Variants in FAF1 observed in about 807,000 individuals in gnomAD.
The protein encoded by FAF1 is FAS-associated factor 1.
FAF1 carries 25 observed loss-of-function variants against 92.5 expected under a neutral mutation model. The ratio of observed to expected loss-of-function variants is 0.27; its 90% CI spans 0.20 to 0.38. The LOEUF is 0.38. Ranked by LOEUF, FAF1 falls within the 10% of genes least tolerant of loss-of-function variation. The pLI, the probability that FAF1 is intolerant of heterozygous loss-of-function variation, is 1.00. For missense variants in FAF1, 636 were observed against 793.3 expected (o/e 0.80, Z 2.38); for synonymous variants, 234 against 273.2 (o/e 0.86, Z 1.42).
chr1:50,893,838 G>A (rs1644738113), intron 1 of FAF1, among the ~76,000 whole-genome samples: 1 of 152,150 alleles, frequency 6.6e-6, no homozygotes, highest in Non-Finnish European at 1.5e-5. Context: ...GCCAGACTAG[G>A]GTCAAACACC....
chr1:50,691,600 T>C (rs547272283), intron 7 of FAF1, among the ~76,000 whole-genome samples: 1 of 151,886 alleles, frequency 6.6e-6, no homozygotes, highest in Non-Finnish European at 1.5e-5. Context: ...TTTGCTTTTT[T>C]CTTTTTTTGA....
chr1:50,799,347 AAT>A (rs1239922148), intron 3 of FAF1, among the ~76,000 whole-genome samples: 4 of 152,166 alleles, frequency 2.6e-5, no homozygotes, highest in African/African-American at 4.8e-5. Context: ...AATGAAGAAA[AAT>A]ATGTCAATTG....
chr1:50,738,252 C>T (rs148456195), intron 6 of FAF1, among the ~76,000 whole-genome samples: 1,701 of 151,758 alleles, frequency 0.011, 22 homozygotes, highest in Non-Finnish European at 0.015. Context: ...AAGACCAGCC[C>T]GACCAACATG....
chr1:50,455,561 G>A (rs1646340637), intron 18 of FAF1, among the ~76,000 whole-genome samples: 1 of 152,226 alleles, frequency 6.6e-6, no homozygotes, highest in Non-Finnish European at 1.5e-5. Flanking sequence ...GTTTTCGGAA[G>A]AGAGTTGTCA....
chr1:50,948,005 C>T (rs553487380), intron 1 of FAF1, among the ~76,000 whole-genome samples: 6 of 151,792 alleles, frequency 4.0e-5, no homozygotes, highest in South Asian at 2.1e-4. Context: ...GCTGACAGTA[C>T]GAGAAAGAAA....
chr1:50,753,491 T>A (rs1033215209), intron 4 of FAF1, among the ~76,000 whole-genome samples: 2 of 152,208 alleles, frequency 1.3e-5, no homozygotes, highest in Non-Finnish European at 2.9e-5. Context: ...CCTCCATTTC[T>A]CTTGAGAACC....
At chr1:50,744,819 C>T (rs972890433) in intron 4 of FAF1, 44 bp from the exon 5 acceptor site, 4 of 1,190,502 alleles carry the variant, frequency 3.4e-6, no homozygotes, top group East Asian at 2.4e-5. Flanking sequence ...CAAAATAACA[C>T]AGTTAACATT....
intron 1 of FAF1, among the ~76,000 whole-genome samples, chr1:50,936,839 C>A (rs145294781): frequency 3.9e-5 from 6 of 152,198 alleles, no homozygotes; most frequent in East Asian, 1.9e-4. Flanking sequence ...AACATGGAAT[C>A]ATCTAGAATA....
intron 8 of FAF1, among the ~76,000 whole-genome samples, chr1:50,614,548 A>G (rs1652821007): frequency 6.6e-6 from 1 of 152,128 alleles, no homozygotes; most frequent in South Asian, 2.1e-4. Flanking sequence ...TTTAAAAACA[A>G]AACAAAATGG....
At chr1:50,515,141 G>C (rs1024246435) in intron 15 of FAF1, among the ~76,000 whole-genome samples, 2 of 152,154 alleles carry the variant, frequency 1.3e-5, no homozygotes, top group Non-Finnish European at 2.9e-5. Flanking sequence ...AGTTGTATGA[G>C]ATACATATAT....
chr1:50,700,806 A>G (rs905422687), intron 7 of FAF1, among the ~76,000 whole-genome samples: 1 of 152,106 alleles, frequency 6.6e-6, no homozygotes, highest in African/African-American at 2.4e-5. Flanking sequence ...ACAAATACTT[A>G]TATGGGCCAA....
intron 1 of FAF1, among the ~76,000 whole-genome samples, chr1:50,947,626 A>T (rs1232240134): frequency 6.6e-6 from 1 of 152,264 alleles, no homozygotes; most frequent in Non-Finnish European, 1.5e-5. Context: ...ATAAAACAGC[A>T]AATTCAGCAG....
chr1:50,652,525 C>T (rs563910905), intron 8 of FAF1, among the ~76,000 whole-genome samples: 1 of 152,310 alleles, frequency 6.6e-6, no homozygotes, highest in South Asian at 2.1e-4. Flanking sequence ...CCCTGTGAAG[C>T]CCCACATTTC....
chr1:50,507,782 T>A (rs1170356565), intron 15 of FAF1, among the ~76,000 whole-genome samples: 8 of 152,172 alleles, frequency 5.3e-5, no homozygotes, highest in Non-Finnish European at 1.5e-5. Context: ...GAAAGGTTTT[T>A]AAAAAATTTT....
intron 8 of FAF1, among the ~76,000 whole-genome samples, chr1:50,644,401 T>C (rs1333501250): frequency 7.9e-5 from 12 of 152,224 alleles, no homozygotes; most frequent in Non-Finnish European, 8.8e-5. Flanking sequence ...AACTACTCTT[T>C]TTCCTAACAA....
rs571877491 is a variant in FAF1, at chr1:50,453,636, T to C, written c.1870-12113A>G. 3.3e-5 allele frequency among the ~76,000 whole-genome samples: 5 copies of C among 152,306 alleles called. No homozygotes were observed. The South Asian group carries it at 1.0e-3, about 32-fold the overall frequency. On this transcript the variant is annotated intron_variant, in intron 18 of 18. Coordinates refer to ENST00000396153, the MANE Select transcript of FAF1 (RefSeq NM_007051.3). Reference sequence around the variant, plus strand: ...ATCATGAACAGAGCACGTGTTTTCTTTGAAGGCTGGTCCAGCAGCGGCCTG... The same window carrying C: ...ATCATGAACAGAGCACGTGTTTTCTCTGAAGGCTGGTCCAGCAGCGGCCTG...
intron 6 of FAF1, among the ~76,000 whole-genome samples, chr1:50,729,028 A>ATCTT (rs1489245072): frequency 2.6e-5 from 2 of 75,698 alleles, no homozygotes; most frequent in Non-Finnish European, 5.2e-5. Flanking sequence ...CTATCTATCT[A>ATCTT]TCTATCTATA....
chr1:50,627,804 G>A (rs1397979598), intron 8 of FAF1, among the ~76,000 whole-genome samples: 1 of 151,612 alleles, frequency 6.6e-6, no homozygotes, highest in Non-Finnish European at 1.5e-5. Context: ...TTCATGATTT[G>A]TGTATTTTCC....
intron 15 of FAF1, among the ~76,000 whole-genome samples, chr1:50,531,749 G>C (rs941777745): frequency 3.9e-5 from 6 of 152,116 alleles, no homozygotes; most frequent in African/African-American, 1.4e-4. Context: ...GTTAAAAATA[G>C]AGCAATCAGT....
Sources: allele counts gnomAD v4.1 joint callset (sites outside exome capture counted in the v4.1 genomes callset), GRCh38; gene constraint gnomAD v4.1.1; transcripts MANE v1.5; gene names NCBI Gene and HGNC (gene_info 2026-07-23, HGNC 2026-07-21).